Variants in ABCA6 observed in about 807,000 individuals in gnomAD.
ABCA6 encodes ATP binding cassette subfamily A member 6, also known as ATP-binding cassette sub-family A member 6.
ABCA6 carries 164 observed loss-of-function variants against 191.2 expected under a neutral mutation model. The observed-to-expected ratio is 0.86, with a 90% CI of 0.76 to 0.98. ABCA6 has a LOEUF of 0.98. Ranked by LOEUF, ABCA6 falls within the 50% of genes least tolerant of loss-of-function variation. ABCA6 has a pLI of 0.00. For missense variants in ABCA6, 1,958 were observed against 1,894.1 expected (o/e 1.03, Z -0.63); for synonymous variants, 636 against 647.7 (o/e 0.98, Z 0.27).
chr17:69,111,003 C>A, intron 16 of ABCA6, 63 bp from the exon 17 acceptor site: 2 of 1,474,776 alleles, frequency 1.4e-6, no homozygotes, highest in African/African-American at 1.4e-5. Flanking sequence ...AAAAGAAGAG[C>A]TTTAATTGAA....
intron 17 of ABCA6, chr17:69,109,763 T>C (rs2073384344): frequency 6.6e-6 from 1 of 152,142 alleles, no homozygotes; most frequent in African/African-American, 2.4e-5. Flanking sequence ...AGTAGCCCTC[T>C]GGGATATCAG....
In ABCA6 at chr17:69,129,656, C is replaced by T; in HGVS notation, c.887G>A (p.Gly296Asp). 3 of 1,603,342 alleles carry T rather than the reference C, an allele frequency of 1.9e-6. No individual in the cohort carries two copies. The highest frequency in any genetic ancestry group is 2.6e-6 in the Non-Finnish European group (3 of 1,172,356). ...ITFTQIIVMT[G>D]FMVIFILFFL... ...AAAGAGTATAAATATGACCATGAAG[C>T]CAGTCATGACTATAATTTGGGTGAA... The change falls in exon 7 of 39, where the codon GGC becomes GAC. Residue 296 changes from glycine to aspartate, a missense_variant. By Grantham distance (94) the Gly-to-Asp change is moderately conservative. Coordinates refer to ENST00000284425, the MANE Select transcript of ABCA6 (RefSeq NM_080284.3).
chr17:69,130,303 C>G (rs564930932), intron 6 of ABCA6, among the ~76,000 whole-genome samples: 2 of 148,960 alleles, frequency 1.3e-5, no homozygotes, highest in African/African-American at 5.0e-5. Context: ...GGTGACAGAG[C>G]GAGACTCCAT....
At chr17:69,087,129 G>T (rs1482988829) in intron 29 of ABCA6, among the ~76,000 whole-genome samples, 1 of 152,132 alleles carries the variant, frequency 6.6e-6, no homozygotes, top group Non-Finnish European at 1.5e-5. Context: ...TTTCTCAAAA[G>T]AAAAATTAAA....
At chr17:69,085,525 A>C in intron 31 of ABCA6, 100 bp downstream of exon 31, 1 of 756,110 alleles carries the variant, frequency 1.3e-6, no homozygotes, top group Non-Finnish European at 2.0e-6. Flanking sequence ...AAGGCAAAAA[A>C]AAAAAAAAAA....
rs1451988744 is a variant in ABCA6, at chr17:69,113,711, G to C, written c.1809C>G (p.Asp603Glu). 6.2e-7 allele frequency: 1 copy of C among 1,612,284 alleles called. No individual in the cohort carries two copies. Among genetic ancestry groups the C allele is most frequent in the Non-Finnish European group, 8.5e-7 (1 of 1,178,920 alleles). The change falls in exon 14 of 39, where the codon GAC (aspartate) becomes GAG (glutamate). Residue 603 changes from aspartate (D) to glutamate (E), a missense_variant. Asp to Glu is a conservative substitution (Grantham distance 45, BLOSUM62 2). Coordinates refer to ENST00000284425, the MANE Select transcript of ABCA6 (RefSeq NM_080284.3). ...CAAGGTTATCTTGAATGTTTTGCAT[G>C]TCCAATTCCAATAATATTCGTTGTA... ...QEVQRILLEL[D>E]MQNIQDNLAK...
chr17:69,136,558 T>G (rs2190900), intron 3 of ABCA6, among the ~76,000 whole-genome samples: 110,191 of 152,044 alleles, frequency 0.72, 40,624 homozygotes, highest in African/African-American at 0.85. Context: ...AAAAACAGAA[T>G]TAATTGTTGT....
At chr17:69,107,539 C>T (rs1043885795) in intron 18 of ABCA6, among the ~76,000 whole-genome samples, 157 bp downstream of exon 18, 4 of 152,016 alleles carry the variant, frequency 2.6e-5, no homozygotes, top group East Asian at 1.9e-4. Flanking sequence ...TTAGTAATGA[C>T]GCTAAGAAAT....
In ABCA6 at chr17:69,100,873, T is replaced by C; in HGVS notation, c.2936A>G (p.Asn979Ser). 1.2e-6 allele frequency: 2 copies of C among 1,611,652 alleles called. No homozygotes were observed. Among genetic ancestry groups the C allele is most frequent in the South Asian group, 1.1e-5 (1 of 90,808 alleles). The change falls in exon 22 of 39, where the codon AAT (asparagine) becomes AGT (serine). Residue 979 changes from asparagine (N) to serine (S), a missense_variant. By Grantham distance (46) the Asn-to-Ser change is conservative. Coordinates refer to ENST00000284425, the MANE Select transcript of ABCA6 (RefSeq NM_080284.3). ...TTGAAGTAGCCCATTGCTGATAATA[T>C]TCATAAGAATTGGAAAACAGTGCAA... ...KRLHCFPILMNIISNGLLQMF... is the reference protein window; with the variant it reads ...KRLHCFPILMSIISNGLLQMF...
Position 69,102,955 on chromosome 17 carries a change from T to C in ABCA6, c.2754A>G (p.Glu918=). ...LIINNTESNI[E]DFIKSLKHQN... is the part of the protein sequence containing the mutation. ...GATGCTTCAGTGATTTTATAAAATC[T>C]TCAATATTTGATTCTAATATGAAGT... Residue 918 remains glutamate (E), a synonymous_variant, in exon 21 of 39, where the codon GAA becomes GAG. Transcript: ENST00000284425. 6.5e-7 allele frequency: 1 copy of C among 1,527,974 alleles called. No individual in the cohort carries two copies. The highest frequency in any genetic ancestry group is 9.0e-7 in the Non-Finnish European group (1 of 1,117,228). The allele number at this position is 1,527,974 out of a possible 1,614,324, so 94.7% of individuals were successfully genotyped here.
chr17:69,116,259 C>T (rs1315218885), intron 11 of ABCA6, among the ~76,000 whole-genome samples: 2 of 152,118 alleles, frequency 1.3e-5, no homozygotes, highest in African/African-American at 4.8e-5. Context: ...GTTTCGTCAT[C>T]TGCAAAGTGA....
chr17:69,131,183 A>T (rs1178058869), intron 6 of ABCA6, among the ~76,000 whole-genome samples: 1 of 152,206 alleles, frequency 6.6e-6, no homozygotes, highest in Non-Finnish European at 1.5e-5. Context: ...AGATAAGTTC[A>T]TCTACTTAAC....
rs1467569871 is a variant in ABCA6, at chr17:69,085,697, T to C, written c.3957A>G (p.Leu1319=). 1 of 1,608,048 alleles carries C rather than the reference T, an allele frequency of 6.2e-7. No homozygotes were observed. Among genetic ancestry groups the C allele is most frequent in the South Asian group, 1.1e-5 (1 of 90,306 alleles). Residue 1319 remains leucine, a synonymous_variant, in exon 31 of 39, where the codon CTA becomes CTG. Coordinates refer to ENST00000284425, the MANE Select transcript of ABCA6 (RefSeq NM_080284.3). ...AACTTTTTCCAGCACCATTGGGTCCTAGCAATCCCAAAATTTCACCTGAAA... is the reference window on the plus strand; with the variant it reads ...AACTTTTTCCAGCACCATTGGGTCCCAGCAATCCCAAAATTTCACCTGAAA... ...CVQEGEILGL[L]GPNGAGKSSS...
chr17:69,107,026 G>T (rs1380231661), intron 18 of ABCA6, among the ~76,000 whole-genome samples: 2 of 152,030 alleles, frequency 1.3e-5, no homozygotes, highest in South Asian at 4.2e-4. Flanking sequence ...TACTACTAAG[G>T]TATCAATCAT....
At chr17:69,092,289 G>A (rs1448907795) in intron 25 of ABCA6, among the ~76,000 whole-genome samples, 1 of 152,112 alleles carries the variant, frequency 6.6e-6, no homozygotes. Context: ...ATAAATGCCA[G>A]GTTTTAATAA....
chr17:69,113,797 A>C (rs1366371881), intron 13 of ABCA6, 60 bp from the exon 14 acceptor site: 1 of 1,495,002 alleles, frequency 6.7e-7, no homozygotes, highest in Non-Finnish European at 9.1e-7. Context: ...TATGCAGCCA[A>C]AAGACACATG....
intron 37 of ABCA6, among the ~76,000 whole-genome samples, chr17:69,080,069 A>C (rs1034885283): frequency 6.6e-6 from 1 of 152,172 alleles, no homozygotes; most frequent in Admixed American, 6.5e-5. Flanking sequence ...AAGGATTAGC[A>C]AGTACAAAGT....
intron 32 of ABCA6, among the ~76,000 whole-genome samples, chr17:69,084,790 C>T (rs149935430): frequency 6.6e-6 from 1 of 151,692 alleles, no homozygotes; most frequent in Non-Finnish European, 1.5e-5. Context: ...AAATGGATGA[C>T]GATTCATGGT....
chr17:69,093,310 G>T (rs1179593093), intron 25 of ABCA6, among the ~76,000 whole-genome samples: 1 of 152,076 alleles, frequency 6.6e-6, no homozygotes, highest in Non-Finnish European at 1.5e-5. Flanking sequence ...AATTTAAGTT[G>T]CGCACCCCCA....
Sources: gnomAD v4.1 joint callset for allele counts (sites outside exome capture counted in the v4.1 genomes callset) on GRCh38, gnomAD v4.1.1 for gene constraint, MANE v1.5 for transcripts, NCBI Gene and HGNC (gene_info 2026-07-23, HGNC 2026-07-21) for gene names.